Variants in NCKAP1 observed in about 807,000 individuals in gnomAD.
NCKAP1 encodes NCK associated protein 1, also known as nck-associated protein 1.
A neutral mutation model predicts 151.2 loss-of-function variants in NCKAP1; 21 were observed. The ratio of observed to expected loss-of-function variants is 0.14; its 90% CI spans 0.10 to 0.20. The LOEUF (loss-of-function observed/expected upper bound fraction) is 0.20. Among genes scored for constraint, NCKAP1 ranks in the 10% least tolerant of loss-of-function variants. NCKAP1 has a pLI of 1.00. For missense variants in NCKAP1, 933 were observed against 1,352.1 expected (o/e 0.69, Z 4.86); for synonymous variants, 484 against 451.8 (o/e 1.07, Z -0.90).
chr2:182,972,293 A>G (rs1270693763), intron 15 of NCKAP1, among the ~76,000 whole-genome samples: 3 of 152,098 alleles, frequency 2.0e-5, no homozygotes, highest in African/African-American at 7.2e-5. Flanking sequence ...GACATTTCTC[A>G]AAAGAAGACA....
chr2:183,028,889 A>G (rs2105898290), intron 1 of NCKAP1, among the ~76,000 whole-genome samples: 1 of 151,892 alleles, frequency 6.6e-6, no homozygotes, highest in East Asian at 1.9e-4. Flanking sequence ...CGAGGTGGGC[A>G]GATCGCGAGG....
chr2:182,931,262 CTGA>C (rs1225051543), intron 26 of NCKAP1, among the ~76,000 whole-genome samples: 1 of 151,836 alleles, frequency 6.6e-6, no homozygotes, highest in African/African-American at 2.4e-5. Flanking sequence ...ATTTAAAAAT[CTGA>C]TAAGGGAATT....
intron 14 of NCKAP1, among the ~76,000 whole-genome samples, chr2:182,977,443 T>C (rs866303690): frequency 6.6e-6 from 1 of 152,158 alleles, no homozygotes; most frequent in South Asian, 2.1e-4. Context: ...TAAGCCGAGA[T>C]TGTACCACAG....
Position 182,967,370 on chromosome 2 carries a change from T to TAA in NCKAP1, c.1483-10_1483-9insTT. ...GAGACACTAGTATATGCCTATAAAG[T>TAA]ACAAAAAAAAAAAAGTAGTTCAGGT... On this transcript the variant is annotated splice_polypyrimidine_tract_variant and intron_variant, in intron 15 of 30. Coordinates refer to ENST00000361354, the MANE Select transcript of NCKAP1 (RefSeq NM_013436.5). 2.6e-6 allele frequency: 4 copies of TAA among 1,549,138 alleles called. No individual in the cohort carries two copies. The highest frequency in any genetic ancestry group is 2.6e-6 in the Non-Finnish European group (3 of 1,154,442).
Position 182,918,212 on chromosome 2 carries a change from G to A in NCKAP1, c.*7490C>T, listed in dbSNP as rs959270120. ...GGAGTTTAAATGAAGTAATGGATAT[G>A]AAAATGTCTAGTATCAAGAGTAGCA... On this transcript the variant is annotated 3_prime_UTR_variant, in exon 31 of 31. Coordinates refer to ENST00000361354, the MANE Select transcript of NCKAP1 (RefSeq NM_013436.5). The A allele has an allele frequency of 1.3e-5, 2 of 152,176 alleles. No individual in the cohort carries two copies. The highest frequency in any genetic ancestry group is 4.8e-5 in the African/African-American group (2 of 41,448). The allele number at this position is 152,176 out of a possible 1,614,324, so 9.4% of individuals were successfully genotyped here.
chr2:183,038,417 TGGCGGCGGCGGC>T lies in NCKAP1; in HGVS notation c.-330_-319del, dbSNP rs879318735. The T allele has an allele frequency of 1.8e-4, 38 of 206,302 alleles. No homozygotes were observed. The highest frequency in any genetic ancestry group is 7.0e-4 in the East Asian group (6 of 8,536). The allele number at this position is 206,302 out of a possible 1,614,324, so 12.8% of individuals were successfully genotyped here. A position where few individuals can be genotyped will look rare whatever the true frequency, so the allele number is the denominator to read the frequency against. On this transcript the variant is annotated 5_prime_UTR_variant, in exon 1 of 31. Coordinates refer to ENST00000361354, the MANE Select transcript of NCKAP1 (RefSeq NM_013436.5). ...CCTTCCCCGGCTGCTCCACTAGGTG[TGGCGGCGGCGGC>T]GGCGGCGGCGGCGTCTCCGGCGGCT...
rs1316580969 is a variant in NCKAP1, at chr2:182,926,932, G to A, written c.3181-27C>T. On this transcript the variant is annotated intron_variant, in intron 29 of 30. Transcript: ENST00000361354. ...TTAAAAGTATACATACACATAAAGT[G>A]AGTTTGTTAATAAAAGGTTCATCGG... The A allele has an allele frequency of 7.4e-6, 11 of 1,477,102 alleles. No homozygotes were observed. The Admixed American group carries it at 1.1e-4, about 15-fold the overall frequency. 91.5% of individuals were successfully genotyped at this position (1,477,102 alleles called of 1,614,324 possible).
rs140023672 is a variant in NCKAP1, at chr2:182,968,612, T to C, written c.1483-1251A>G. 3.3e-5 allele frequency among the ~76,000 whole-genome samples: 5 copies of C among 152,332 alleles called. No individual in the cohort carries two copies. The East Asian group carries it at 9.6e-4, about 29-fold the overall frequency. On this transcript the variant is annotated intron_variant, in intron 15 of 30. Coordinates refer to ENST00000361354, the MANE Select transcript of NCKAP1 (RefSeq NM_013436.5). ...TTCCTCAAATTTAGTGTTCCTTATC[T>C]GCAACACAAACAGACTGCATGCACA...
chr2:183,028,772 A>G (rs1431490938), intron 1 of NCKAP1, among the ~76,000 whole-genome samples: 1 of 152,168 alleles, frequency 6.6e-6, no homozygotes. Flanking sequence ...CTTTATATAC[A>G]TGGATACACA....
intron 7 of NCKAP1, 60 bp from the exon 8 acceptor site, chr2:182,994,947 G>T: frequency 1.5e-6 from 2 of 1,331,684 alleles, no homozygotes; most frequent in South Asian, 1.2e-5. Flanking sequence ...ATTCCATATT[G>T]AGCCACTCTC....
chr2:183,037,060 A>G (rs981658503), intron 1 of NCKAP1, among the ~76,000 whole-genome samples: 10 of 152,294 alleles, frequency 6.6e-5, no homozygotes, highest in Admixed American at 1.3e-4. Flanking sequence ...GTTTTGTCCT[A>G]CGATAATGAA....
Position 182,912,152 on chromosome 2 carries a change from A to G in NCKAP1, c.*13550T>C, listed in dbSNP as rs1213043165. On this transcript the variant is annotated 3_prime_UTR_variant, in exon 31 of 31. Coordinates refer to ENST00000361354, the MANE Select transcript of NCKAP1 (RefSeq NM_013436.5). ...TAGGACAGACTGAAAAAGAAAATGA[A>G]GACCATCTTAAAATATCTTTGGATA... is the stretch of plus-strand genomic sequence containing the variant. 1 of 152,204 alleles carries G rather than the reference A, an allele frequency of 6.6e-6. No individual in the cohort carries two copies. Among genetic ancestry groups the G allele is most frequent in the Non-Finnish European group, 1.5e-5 (1 of 68,028 alleles). The allele number at this position is 152,204 out of a possible 1,614,324, so 9.4% of individuals were successfully genotyped here. A position where few individuals can be genotyped will look rare whatever the true frequency, so the allele number is the denominator to read the frequency against.
In NCKAP1 at chr2:182,951,648, AAAAACAAACAAAC is replaced by A. The variant is rs1238945528; in HGVS notation, c.2601+744_2601+756del. 9.3e-4 allele frequency among the ~76,000 whole-genome samples: 141 copies of A among 151,068 alleles called. 2 individuals carry two copies. The highest frequency in any genetic ancestry group is 3.4e-3 in the Middle Eastern group (1 of 292). On this transcript the variant is annotated intron_variant, in intron 23 of 30. Coordinates refer to ENST00000361354, the MANE Select transcript of NCKAP1 (RefSeq NM_013436.5). ...TGAGACTCCATCTCAAAAAAAAAAAAAAAACAAACAAACAAAAACTAAAATATCAAGACTCAAG... is the reference window on the plus strand; with the variant it reads ...TGAGACTCCATCTCAAAAAAAAAAAAAAAAACTAAAATATCAAGACTCAAG...
At chr2:183,028,411 A>G (rs976600727) in intron 1 of NCKAP1, among the ~76,000 whole-genome samples, 3 of 152,148 alleles carry the variant, frequency 2.0e-5, no homozygotes, top group Non-Finnish European at 4.4e-5. Context: ...TCCAGTTCTC[A>G]GAATTGGAAC....
chr2:182,929,239 A>G (rs958890387), intron 27 of NCKAP1, among the ~76,000 whole-genome samples: 1 of 151,986 alleles, frequency 6.6e-6, no homozygotes, highest in Admixed American at 6.6e-5. Context: ...CTAATTGAAA[A>G]CTAATGAGGA....
At chr2:182,980,661 AT>A (rs1180473263) in intron 13 of NCKAP1, among the ~76,000 whole-genome samples, 1 of 152,174 alleles carries the variant, frequency 6.6e-6, no homozygotes, top group Non-Finnish European at 1.5e-5. Context: ...TTAAATGGGA[AT>A]GTCTATATGA....
At chr2:182,978,640 G>GC (rs1403327612) in intron 14 of NCKAP1, among the ~76,000 whole-genome samples, 194 bp downstream of exon 14, 5 of 151,958 alleles carry the variant, frequency 3.3e-5, no homozygotes, top group African/African-American at 1.2e-4. Flanking sequence ...TTAATAATTA[G>GC]AAATATAAAA....
Position 182,996,960 on chromosome 2 carries a change from A to G in NCKAP1, c.604-1122T>C, listed in dbSNP as rs375131255. Among the ~76,000 whole-genome samples the G allele has an allele frequency of 5.9e-5, 9 of 152,322 alleles. No homozygotes were observed. The East Asian group carries it at 1.5e-3, about 26-fold the overall frequency. On this transcript the variant is annotated intron_variant, in intron 6 of 30. Transcript: ENST00000361354. Reference sequence around the variant, plus strand: ...AAAAATTAAATAATGTAATTTTTTAAATCCTGGGAAATTTGGGAGGTTGTT... The same window carrying G: ...AAAAATTAAATAATGTAATTTTTTAGATCCTGGGAAATTTGGGAGGTTGTT...
intron 8 of NCKAP1, among the ~76,000 whole-genome samples, chr2:182,993,132 A>G (rs1698200757): frequency 6.6e-6 from 1 of 152,194 alleles, no homozygotes; most frequent in South Asian, 2.1e-4. Flanking sequence ...CTTATATAAA[A>G]TGGTGTAGTA....
Sources: gnomAD v4.1 joint callset for allele counts (sites outside exome capture counted in the v4.1 genomes callset) on GRCh38, gnomAD v4.1.1 for gene constraint, MANE v1.5 for transcripts, NCBI Gene and HGNC (gene_info 2026-07-23, HGNC 2026-07-21) for gene names.